Variants in HECW1 observed in about 807,000 individuals in gnomAD.
HECW1 encodes the protein HECT, C2 and WW domain containing E3 ubiquitin protein ligase 1, also known as E3 ubiquitin-protein ligase HECW1.
A neutral mutation model predicts 182.3 loss-of-function variants in HECW1; 61 were observed. The ratio of observed to expected loss-of-function variants is 0.33; its 90% CI spans 0.27 to 0.41. The LOEUF (loss-of-function observed/expected upper bound fraction) is 0.41, where lower values mean the gene tolerates loss of function less well. Ranked by LOEUF, HECW1 falls within the 10% of genes least tolerant of loss-of-function variation. The pLI, the probability that HECW1 is intolerant of heterozygous loss-of-function variation, is 1.00. For missense variants in HECW1, 1,739 were observed against 2,108.9 expected, an observed-to-expected ratio of 0.82 and a Z score of 3.44; for synonymous variants, 859 against 832.6, an observed-to-expected ratio of 1.03 and a Z score of -0.55.
chr7:43,437,049 A>G (rs752894461), intron 8 of HECW1, among the ~76,000 whole-genome samples: 9 of 152,152 alleles, frequency 5.9e-5, no homozygotes, highest in Non-Finnish European at 1.3e-4. Context: ...AATACTTTAG[A>G]ATCAAATGAA....
chr7:43,441,032 G>C (rs1047280958), intron 9 of HECW1, among the ~76,000 whole-genome samples: 1 of 152,174 alleles, frequency 6.6e-6, no homozygotes, highest in Admixed American at 6.5e-5. Flanking sequence ...AGTAACAACT[G>C]GTTTGGGGCT....
intron 18 of HECW1, among the ~76,000 whole-genome samples, chr7:43,492,687 A>G (rs905103631): frequency 6.6e-6 from 1 of 152,204 alleles, no homozygotes; most frequent in Admixed American, 6.5e-5. Flanking sequence ...AAATCGACAC[A>G]TGGATTACTT....
intron 9 of HECW1, among the ~76,000 whole-genome samples, chr7:43,442,027 C>T (rs1482438377): frequency 2.0e-5 from 3 of 152,220 alleles, no homozygotes; most frequent in African/African-American, 4.8e-5. Context: ...GCTAGCGATA[C>T]ACAACACGAT....
rs374175243 is a variant in HECW1 at position 43,439,089 on chromosome 7, A to G, written c.944+944A>G. ...GAGCTGAGTTTATGGAGCTGCAGTCACGTGTCACATGCAGTGTTTGCACTT... is the reference window on the plus strand; with the variant it reads ...GAGCTGAGTTTATGGAGCTGCAGTCGCGTGTCACATGCAGTGTTTGCACTT... On this transcript the variant is annotated intron_variant, in intron 9 of 29. Transcript: ENST00000395891. The G allele has an allele frequency of 9.8e-5, 15 of 152,396 alleles. No homozygotes were observed. In the East Asian group the frequency reaches 2.7e-3, roughly 27 times the overall value. 9.4% of individuals were successfully genotyped at this position (152,396 alleles called of 1,614,324 possible).
intron 2 of HECW1, among the ~76,000 whole-genome samples, chr7:43,215,487 T>A (rs1485872392): frequency 6.6e-6 from 1 of 152,266 alleles, no homozygotes; most frequent in Non-Finnish European, 1.5e-5. Context: ...CTGAGCAGTA[T>A]GTAATTGCAA....
chr7:43,350,564 C>T (rs534601448), intron 5 of HECW1, among the ~76,000 whole-genome samples: 1 of 152,110 alleles, frequency 6.6e-6, no homozygotes, highest in Non-Finnish European at 1.5e-5. Flanking sequence ...TGTTTTCTTA[C>T]TCTTTTTCCT....
At chr7:43,147,979 C>T (rs1474794588) in intron 2 of HECW1, among the ~76,000 whole-genome samples, 1 of 152,230 alleles carries the variant, frequency 6.6e-6, no homozygotes, top group African/African-American at 2.4e-5. Context: ...ATTTGCAAAG[C>T]TCATCCCCCA....
intron 29 of HECW1, among the ~76,000 whole-genome samples, 177 bp downstream of exon 29, chr7:43,554,967 C>T (rs2081970611): frequency 1.3e-5 from 2 of 152,166 alleles, no homozygotes; most frequent in Non-Finnish European, 2.9e-5. Flanking sequence ...TGCACTGAAA[C>T]TATATTATTC....
At position 43,445,073 on chromosome 7, in the gene HECW1, G is replaced by A. The variant is rs1192455463; in HGVS notation, c.1901G>A (p.Gly634Glu). The change falls in exon 11 of 30, where the codon GGG (glycine) becomes GAG (glutamate). Residue 634 changes from glycine to glutamate, a missense_variant. Transcript: ENST00000395891. Reference protein sequence around the residue: ...TPGTAHPGHSGGHFPSLANGA... With the variant: ...TPGTAHPGHSEGHFPSLANGA... Reference sequence around the variant, plus strand: ...GGCACGGCGCACCCTGGCCACTCCGGGGGCCACTTCCCCAGCCTGGCCAAT... The same window carrying A: ...GGCACGGCGCACCCTGGCCACTCCGAGGGCCACTTCCCCAGCCTGGCCAAT... The A allele has an allele frequency of 5.6e-6, 9 of 1,598,718 alleles. No individual in the cohort carries two copies. Among genetic ancestry groups the A allele is most frequent in the Non-Finnish European group, 7.7e-6 (9 of 1,173,524 alleles).
At chr7:43,178,309 A>G (rs1223728390) in intron 2 of HECW1, among the ~76,000 whole-genome samples, 1 of 120,722 alleles carries the variant, frequency 8.3e-6, no homozygotes. Flanking sequence ...CCTGGCCAGC[A>G]GGGTTCTATC....
chr7:43,197,393 C>G (rs1794561937), intron 2 of HECW1, among the ~76,000 whole-genome samples: 1 of 152,134 alleles, frequency 6.6e-6, no homozygotes, highest in African/African-American at 2.4e-5. Flanking sequence ...CTCCGCTGCC[C>G]TAGACCACCT....
chr7:43,170,313 G>A (rs939599210), intron 2 of HECW1, among the ~76,000 whole-genome samples: 6 of 152,098 alleles, frequency 3.9e-5, no homozygotes, highest in Non-Finnish European at 8.8e-5. Context: ...GAAATAAAGT[G>A]CACAATAAAT....
intron 26 of HECW1, among the ~76,000 whole-genome samples, chr7:43,542,477 A>G (rs976243198): frequency 4.6e-5 from 7 of 151,252 alleles, no homozygotes; most frequent in Non-Finnish European, 8.8e-5. Flanking sequence ...TATATAAAAT[A>G]TTCCTTCCTT....
chr7:43,339,028 T>C (rs1812640682), intron 5 of HECW1, among the ~76,000 whole-genome samples: 1 of 152,202 alleles, frequency 6.6e-6, no homozygotes, highest in South Asian at 2.1e-4. Flanking sequence ...GAAAAGTCAA[T>C]GGTTAGTCTT....
At chr7:43,284,998 A>ATTTT (rs55642652) in intron 3 of HECW1, among the ~76,000 whole-genome samples, 1,836 of 145,418 alleles carry the variant, frequency 0.013, 39 homozygotes, top group African/African-American at 0.044. Flanking sequence ...TTCTGTATGG[A>ATTTT]TTTTTTTTTT....
rs566720578 is a variant in HECW1 at position 43,448,530 on chromosome 7, C to T, written c.2399-2298C>T. On this transcript the variant is annotated intron_variant, in intron 11 of 29. Coordinates refer to ENST00000395891, the MANE Select transcript of HECW1 (RefSeq NM_015052.5). ...ATGGGTATAATTACAGAATCTCCCTCAAAGTGTTGTTGGGAAAATTTAATG... is the reference window on the plus strand; with the variant it reads ...ATGGGTATAATTACAGAATCTCCCTTAAAGTGTTGTTGGGAAAATTTAATG... Among the ~76,000 whole-genome samples the T allele has an allele frequency of 3.3e-5, 5 of 152,262 alleles. No homozygotes were observed. The South Asian group carries it at 1.0e-3, about 32-fold the overall frequency.
At chr7:43,429,864 G>A (rs2076487235) in intron 8 of HECW1, among the ~76,000 whole-genome samples, 1 of 152,146 alleles carries the variant, frequency 6.6e-6, no homozygotes, top group African/African-American at 2.4e-5. Context: ...ATATCTCGCT[G>A]CAAGAGAGGA....
chr7:43,366,996 A>G (rs902415386), intron 6 of HECW1, among the ~76,000 whole-genome samples: 1 of 152,164 alleles, frequency 6.6e-6, no homozygotes, highest in Non-Finnish European at 1.5e-5. Flanking sequence ...TATGTAAAGA[A>G]CTGTCTCTGC....
intron 7 of HECW1, among the ~76,000 whole-genome samples, chr7:43,399,649 T>G (rs892452233): frequency 1.3e-5 from 2 of 152,144 alleles, no homozygotes; most frequent in African/African-American, 4.8e-5. Context: ...CTCACAGACC[T>G]ACCAGAGGAG....
Sources: gnomAD v4.1 joint callset for allele counts (sites outside exome capture counted in the v4.1 genomes callset) on GRCh38, gnomAD v4.1.1 for gene constraint, MANE v1.5 for transcripts, NCBI Gene and HGNC (gene_info 2026-07-23, HGNC 2026-07-21) for gene names.